HSPH1: variants seen among roughly 807,000 people sequenced by gnomAD.
HSPH1 encodes heat shock protein 105 kDa.
HSPH1 carries 40 observed loss-of-function variants against 100.0 expected under a neutral mutation model. The ratio of observed to expected loss-of-function variants is 0.40; its 90% CI spans 0.31 to 0.52. HSPH1 has a LOEUF of 0.52. Among genes scored for constraint, HSPH1 ranks in the 20% least tolerant of loss-of-function variants. The probability of loss-of-function intolerance (pLI) is 0.54; values close to 1 mark genes in which losing one functional copy is unlikely to be tolerated. For missense variants in HSPH1, 876 were observed against 1,015.1 expected (o/e 0.86, Z 1.86); for synonymous variants, 403 against 344.0 (o/e 1.17, Z -1.90).
At chr13:31,146,191 G>C (rs936079983) in intron 10 of HSPH1, among the ~76,000 whole-genome samples, 1 of 151,862 alleles carries the variant, frequency 6.6e-6, no homozygotes, top group Admixed American at 6.6e-5. Context: ...AAATACAAAG[G>C]CTAAAAAAAT....
upstream of HSPH1, chr13:31,162,093 A>G: frequency 2.0e-6 from 3 of 1,536,032 alleles, no homozygotes; most frequent in Non-Finnish European, 2.6e-6. Context: ...CGCCGTTGCC[A>G]TGGCAGCGAC....
At chr13:31,158,005 A>AT (rs1956760214) in intron 2 of HSPH1, among the ~76,000 whole-genome samples, 1 of 152,228 alleles carries the variant, frequency 6.6e-6, no homozygotes, top group African/African-American at 2.4e-5. Flanking sequence ...GACGAGCCAC[A>AT]TTTCAAATGC....
chr13:31,139,258 A>G (rs1024662312), intron 14 of HSPH1, 151 bp from the exon 15 acceptor site: 9 of 594,724 alleles, frequency 1.5e-5, no homozygotes, highest in Non-Finnish European at 2.7e-5. Context: ...GACCTTGAAA[A>G]TGGCTCTCAT....
In HSPH1 at chr13:31,147,956, T is replaced by C. The variant is rs764505252; in HGVS notation, c.1378+3A>G. On this transcript the variant is annotated splice_donor_region_variant and intron_variant, in intron 10 of 17. Coordinates refer to ENST00000320027, the MANE Select transcript of HSPH1 (RefSeq NM_006644.4). Reference sequence around the variant, plus strand: ...AGTAAAATATACACAATGAACTCCTTACCTATTTTTGCTTCTGGATATGGA... The same window carrying C: ...AGTAAAATATACACAATGAACTCCTCACCTATTTTTGCTTCTGGATATGGA... 3 of 1,584,510 alleles carry C rather than the reference T, an allele frequency of 1.9e-6. No individual in the cohort carries two copies. Among genetic ancestry groups the C allele is most frequent in the South Asian group, 1.2e-5 (1 of 84,914 alleles).
At chr13:31,153,570 G>C (rs939805676) in intron 4 of HSPH1, among the ~76,000 whole-genome samples, 3 of 152,156 alleles carry the variant, frequency 2.0e-5, no homozygotes, top group Non-Finnish European at 2.9e-5. Context: ...TATTCTAGTT[G>C]TAATTCTTTT....
Position 31,150,010 on chromosome 13 carries a change from C to A in HSPH1, c.1081G>T (p.Asp361Tyr). The A allele has an allele frequency of 6.2e-7, 1 of 1,613,830 alleles. No homozygotes were observed. The highest frequency in any genetic ancestry group is 8.5e-7 in the Non-Finnish European group (1 of 1,179,820). Residue 361 changes from aspartate to tyrosine, a missense_variant, in exon 8 of 18, where the codon GAT becomes TAT. Transcript: ENST00000320027. ...KERIAKFFGK[D>Y]ISTTLNADEA... ...TCTGCATTGAGTGTTGTGCTAATAT[C>A]TTTTCCAAAGAATTTGGCAATTCTT...
chr13:31,143,865 G>C lies in HSPH1; in HGVS notation c.1643C>G (p.Ala548Gly). 1.2e-6 allele frequency: 2 copies of C among 1,611,698 alleles called. No individual in the cohort carries two copies. Among genetic ancestry groups the C allele is most frequent in the East Asian group, 4.5e-5 (2 of 44,762 alleles). Residue 548 changes from alanine to glycine, a missense_variant, in exon 12 of 18, where the codon GCT becomes GGT. Physicochemically the swap from Ala to Gly is moderately conservative, Grantham distance 60. Transcript: ENST00000320027. ...AGGGGGAGACTGTGAGGTTTGTTGA[G>C]CATCAGTTTGTACCTGGGGCTGTGT... is the stretch of plus-strand genomic sequence containing the variant. ...AGTQPQVQTD[A>G]QQTSQSPPSP...
At chr13:31,145,054 G>C (rs987207824) in intron 11 of HSPH1, among the ~76,000 whole-genome samples, 2 of 152,064 alleles carry the variant, frequency 1.3e-5, no homozygotes, top group Non-Finnish European at 2.9e-5. Context: ...TCATGCTAAT[G>C]ATGAATAACA....
chr13:31,150,674 C>T (rs1461175508), intron 7 of HSPH1, among the ~76,000 whole-genome samples: 1 of 152,206 alleles, frequency 6.6e-6, no homozygotes, highest in Admixed American at 6.5e-5. Flanking sequence ...TTTTCAATTA[C>T]TGGCCCAGAA....
At chr13:31,145,933 T>C (rs571837470) in intron 10 of HSPH1, among the ~76,000 whole-genome samples, 165 bp from the exon 11 acceptor site, 2 of 151,944 alleles carry the variant, frequency 1.3e-5, no homozygotes, top group Non-Finnish European at 2.9e-5. Flanking sequence ...CTGGGCAAGA[T>C]AGTGAGATCT....
Position 31,145,770 on chromosome 13 carries a change from T to C in HSPH1, c.1379-2A>G. The C allele has an allele frequency of 6.2e-7, 1 of 1,612,760 alleles. No individual in the cohort carries two copies. Among genetic ancestry groups the C allele is most frequent in the East Asian group, 2.2e-5 (1 of 44,844 alleles). ...AAACATTCTGAACTACAAAGCGGCC[T>C]AGAACAACAACAACAAAAATCACAA... On this transcript the variant is annotated splice_acceptor_variant, in intron 10 of 17. Transcript: ENST00000320027. LOFTEE classifies it high-confidence loss of function.
In HSPH1 at chr13:31,140,209, G is replaced by A; in HGVS notation, c.1955C>T (p.Pro652Leu). The A allele has an allele frequency of 6.2e-7, 1 of 1,611,416 alleles. No homozygotes were observed. Among genetic ancestry groups the A allele is most frequent in the Non-Finnish European group, 8.5e-7 (1 of 1,178,446 alleles). ...CTGCTCACATATAAATTTTTCATATGGTCCACACAGCTTGTCTCTGAACTC... is the reference window on the plus strand; with the variant it reads ...CTGCTCACATATAAATTTTTCATATAGTCCACACAGCTTGTCTCTGAACTC... ...VYEFRDKLCG[P>L]YEKFICEQDH... The change falls in exon 14 of 18, where the codon CCA (proline) becomes CTA (leucine). Residue 652 changes from proline to leucine, a missense_variant. Physicochemically the swap from Pro to Leu is moderately conservative, Grantham distance 98 (BLOSUM62 -3). Coordinates refer to ENST00000320027, the MANE Select transcript of HSPH1 (RefSeq NM_006644.4).
At position 31,161,737 on chromosome 13, in the gene HSPH1, C is replaced by A. The variant is rs372617953; in HGVS notation, c.-155G>T. 1 of 1,532,140 alleles carries A rather than the reference C, an allele frequency of 6.5e-7. No homozygotes were observed. The highest frequency in any genetic ancestry group is 8.7e-7 in the Non-Finnish European group (1 of 1,144,726). 94.9% of individuals were successfully genotyped at this position (1,532,140 alleles called of 1,614,324 possible). On this transcript the variant is annotated 5_prime_UTR_variant, in exon 1 of 18. Transcript: ENST00000320027. ...GACACTCAGAAGGACACACAGACAG[C>A]CGCGGCCTGTCAGGAGCCTCCTACT...
intron 11 of HSPH1, among the ~76,000 whole-genome samples, chr13:31,144,863 T>A (rs1439955040): frequency 1.3e-5 from 2 of 152,186 alleles, no homozygotes; most frequent in Non-Finnish European, 2.9e-5. Context: ...AATGTTTATG[T>A]TGCTTAGATG....
intron 10 of HSPH1, among the ~76,000 whole-genome samples, chr13:31,147,001 G>A (rs1478250808): frequency 1.3e-5 from 2 of 152,142 alleles, no homozygotes; most frequent in African/African-American, 4.8e-5. Context: ...CAAATCAGTA[G>A]TTCAGGAAAT....
At position 31,136,350 on chromosome 13, in the gene HSPH1, C is replaced by T. The variant is rs567556957; in HGVS notation, c.*968G>A. On this transcript the variant is annotated 3_prime_UTR_variant, in exon 18 of 18. Transcript: ENST00000320027. ...GACACTCACACAAATATACCCCCAT[C>T]ATTAGGGGTAAAAGGCTCCAAGGAT... is the stretch of plus-strand genomic sequence containing the variant. 1 of 152,252 alleles carries T rather than the reference C, an allele frequency of 6.6e-6. No individual in the cohort carries two copies. Among genetic ancestry groups the T allele is most frequent in the South Asian group, 2.1e-4 (1 of 4,814 alleles). 9.4% of individuals were successfully genotyped at this position (152,252 alleles called of 1,614,324 possible).
intron 12 of HSPH1, 123 bp downstream of exon 12, chr13:31,143,669 G>T: frequency 1.1e-6 from 1 of 874,576 alleles, no homozygotes; most frequent in Non-Finnish European, 1.6e-6. Context: ...AAAATCAACA[G>T]AAAAAAATCC....
chr13:31,145,886 G>A lies in HSPH1; in HGVS notation c.1379-118C>T, dbSNP rs916319270. The A allele has an allele frequency of 1.4e-5, 12 of 828,574 alleles. 1 individual carries two copies. The highest frequency in any genetic ancestry group is 3.4e-5 in the African/African-American group (2 of 58,678). 51.3% of individuals were successfully genotyped at this position (828,574 alleles called of 1,614,324 possible). ...TGTAATCCCAGCACTTTGGGAGGCC[G>A]TGGTGGGTCACTTGAGCCCAAGAGT... is the stretch of plus-strand genomic sequence containing the variant. On this transcript the variant is annotated intron_variant, in intron 10 of 17. Coordinates refer to ENST00000320027, the MANE Select transcript of HSPH1 (RefSeq NM_006644.4).
rs1044420963 is a variant in HSPH1, at chr13:31,161,374, C to T, written c.107+102G>A. ...GAGGGGTGCGCCGCTGCCCAAACGC[C>T]TCCGTTTGCCGCGGTGATCCGTACA... On this transcript the variant is annotated intron_variant, in intron 1 of 17. Transcript: ENST00000320027. The T allele has an allele frequency of 7.3e-6, 11 of 1,516,962 alleles. No individual in the cohort carries two copies. In the African/African-American group the frequency reaches 1.5e-4, roughly 21 times the overall value. 94.0% of individuals were successfully genotyped at this position (1,516,962 alleles called of 1,614,324 possible). A position where few individuals can be genotyped will look rare whatever the true frequency, so the allele number is the denominator to read the frequency against.
Sources: gnomAD v4.1 joint callset for allele counts (sites outside exome capture counted in the v4.1 genomes callset) on GRCh38, gnomAD v4.1.1 for gene constraint, MANE v1.5 for transcripts, NCBI Gene and HGNC (gene_info 2026-07-23, HGNC 2026-07-21) for gene names.